The following NOP2 variants were observed in gnomAD, a reference collection of about 807,000 sequenced individuals.
NOP2 encodes the protein 28S rRNA (cytosine(4447)-C(5))-methyltransferase.
NOP2 carries 7 observed loss-of-function variants against 72.7 expected under a neutral mutation model. The ratio of observed to expected loss-of-function variants is 0.10; its 90% CI spans 0.05 to 0.18. The LOEUF (loss-of-function observed/expected upper bound fraction) is 0.18. Ranked by LOEUF, NOP2 falls within the 10% of genes least tolerant of loss-of-function variation. The probability of loss-of-function intolerance (pLI) is 1.00; values close to 1 mark genes in which losing one functional copy is unlikely to be tolerated. For synonymous variants in NOP2, 387 were observed against 388.0 expected, an observed-to-expected ratio of 1.00 and a Z score of 0.03; for missense variants, 954 against 1,014.7, an observed-to-expected ratio of 0.94 and a Z score of 0.81.
intron 1 of NOP2, 74 bp downstream of exon 1, chr12:6,568,133 G>A (rs1241535883): frequency 6.9e-6 from 4 of 581,632 alleles, no homozygotes; most frequent in Non-Finnish European, 9.2e-6. Flanking sequence ...AACCCAGGTA[G>A]CGCACCCTTC....
At position 6,560,797 on chromosome 12, in the gene NOP2, A is replaced by C. The variant is rs781313775; in HGVS notation, c.1348-10T>G. The C allele has an allele frequency of 2.5e-6, 4 of 1,612,062 alleles. No homozygotes were observed. Among genetic ancestry groups the C allele is most frequent in the South Asian group, 1.1e-5 (1 of 90,644 alleles). On this transcript the variant is annotated splice_polypyrimidine_tract_variant and intron_variant, in intron 12 of 15. Coordinates refer to ENST00000322166, the MANE Select transcript of NOP2 (RefSeq NM_001258308.2). The surrounding 1 kb of genome is among the most constrained non-coding windows in gnomAD (Gnocchi z 5.0). ...CAAAGCCCCCCACCACCTGGAGAAA[A>C]GATACAGATGAATCATATGTCTCTT...
chr12:6,562,597 T>C (rs1288043827), intron 9 of NOP2, among the ~76,000 whole-genome samples: 3 of 152,204 alleles, frequency 2.0e-5, no homozygotes, highest in Non-Finnish European at 2.9e-5. Flanking sequence ...CCCTCCACTA[T>C]ACTAAAAATT....
intron 5 of NOP2, among the ~76,000 whole-genome samples, chr12:6,565,265 CG>C (rs1477181509): frequency 6.6e-6 from 1 of 152,010 alleles, no homozygotes; most frequent in Non-Finnish European, 1.5e-5. Context: ...GTCATCTTCC[CG>C]CTTCAGCATC....
rs1237818298 is a variant in NOP2, at chr12:6,566,040, T to C, written c.474+61A>G. 7 of 1,390,410 alleles carry C rather than the reference T, an allele frequency of 5.0e-6. No homozygotes were observed. In the African/African-American group the frequency reaches 8.6e-5, roughly 17 times the overall value. The allele number at this position is 1,390,410 out of a possible 1,614,324, so 86.1% of individuals were successfully genotyped here. On this transcript the variant is annotated intron_variant, in intron 5 of 15. Coordinates refer to ENST00000322166, the MANE Select transcript of NOP2 (RefSeq NM_001258308.2). ...TGCCACTAAGAAACAGTCTCAAGAA[T>C]CTGGGAAAGAAACTAAATAGCAAGG...
chr12:6,561,633 G>C, intron 11 of NOP2, 31 bp downstream of exon 11: 1 of 1,607,318 alleles, frequency 6.2e-7, no homozygotes, highest in Non-Finnish European at 8.5e-7. Flanking sequence ...AAGACAGCCC[G>C]ATGAATCCCA....
rs774784649 is a variant in NOP2 at position 6,561,866 on chromosome 12, T to TG, written c.1066+17dup. The TG allele has an allele frequency of 6.2e-7, 1 of 1,610,070 alleles. No individual in the cohort carries two copies. Among genetic ancestry groups the TG allele is most frequent in the East Asian group, 2.2e-5 (1 of 44,798 alleles). ...ACAGGGACAGAGGTAGAAGGGCTCT[T>TG]GGGTGGGGGAGACTTACCAATGGGC... On this transcript the variant is annotated intron_variant, in intron 10 of 15. Transcript: ENST00000322166.
Position 6,560,598 on chromosome 12 carries a change from C to G in NOP2, c.1438-29G>C, listed in dbSNP as rs1319580656. ...TCCCAAAAAGAGACCCAAAGGCAGC[C>G]TCAGGAGGAGAGGGGAGCCCAGAGG... On this transcript the variant is annotated intron_variant, in intron 13 of 15. Transcript: ENST00000322166. This position sits in a 1 kb window ranked among gnomAD's most constrained non-coding sequence, Gnocchi z 5.0. 6.2e-7 allele frequency: 1 copy of G among 1,601,374 alleles called. No homozygotes were observed. The highest frequency in any genetic ancestry group is 1.3e-5 in the African/African-American group (1 of 74,430).
rs777316737 is a variant in NOP2, at chr12:6,566,217, A to C, written c.358T>G (p.Ser120Ala). ...GSDEEEEEED[S>A]EEDGMVNHGD... ...TGGTTCACCATACCATCTTCTTCAG[A>C]GTCTTCCTCCTCCTCTTCCTCATCA... Residue 120 changes from serine (S) to alanine (A), a missense_variant, in exon 5 of 16, where the codon TCT becomes GCT. Ser to Ala is a moderately conservative substitution (Grantham distance 99). Coordinates refer to ENST00000322166, the MANE Select transcript of NOP2 (RefSeq NM_001258308.2). 1 of 1,613,954 alleles carries C rather than the reference A, an allele frequency of 6.2e-7. No homozygotes were observed. The highest frequency in any genetic ancestry group is 1.1e-5 in the South Asian group (1 of 91,084).
rs764415934 is a variant in NOP2 at position 6,561,675 on chromosome 12, G to A, written c.1196C>T (p.Thr399Ile). The change falls in exon 11 of 16, where the codon ACC (threonine) becomes ATC (isoleucine). Residue 399 changes from threonine to isoleucine, a missense_variant. By Grantham distance (89) the Thr-to-Ile change is moderately conservative. Transcript: ENST00000322166. ...TGCCCCTCTCATACCCATGTAGCTG[G>A]TCTTTCCTCCAGGGGCACAACACAT... ...LDMCCAPGGK[T>I]SYMAQLMKNT... 1 of 1,613,818 alleles carries A rather than the reference G, an allele frequency of 6.2e-7. No individual in the cohort carries two copies. The highest frequency in any genetic ancestry group is 8.5e-7 in the Non-Finnish European group (1 of 1,179,824).
chr12:6,563,395 G>A lies in NOP2; in HGVS notation c.808C>T (p.Leu270Phe). 1 of 1,606,030 alleles carries A rather than the reference G, an allele frequency of 6.2e-7. No homozygotes were observed. The highest frequency in any genetic ancestry group is 8.5e-7 in the Non-Finnish European group (1 of 1,176,224). Residue 270 changes from leucine to phenylalanine, a missense_variant, in exon 8 of 16, where the codon CTC becomes TTC. Around this residue, in one of 3 missense-constraint regions of NOP2, gnomAD observed 498 missense variants for 478.3 expected, o/e 1.04. Coordinates refer to ENST00000322166, the MANE Select transcript of NOP2 (RefSeq NM_001258308.2). ...TAGTAAATGGCCAGATCCTTCTTGA[G>A]CCGGTTCAGGTATTCAGAACGAGAC... ...GRSRSEYLNR[L>F]KKDLAIYYSY...
chr12:6,562,004 T>C (rs1947664955), intron 9 of NOP2, 33 bp from the exon 10 acceptor site: 2 of 1,488,130 alleles, frequency 1.3e-6, no homozygotes, highest in Non-Finnish European at 1.8e-6. Flanking sequence ...TTTTTTTTTT[T>C]TTGAGATGGA....
rs966128288 is a variant in NOP2, at chr12:6,560,114, G to A, written c.1773C>T (p.Ile591=). The A allele has an allele frequency of 2.1e-5, 34 of 1,613,170 alleles. 1 individual carries two copies. The highest frequency in any genetic ancestry group is 1.3e-4 in the East Asian group (6 of 44,900). The change falls in exon 15 of 16, where the codon ATC becomes ATT. Residue 591 remains isoleucine, a synonymous_variant. Coordinates refer to ENST00000322166, the MANE Select transcript of NOP2 (RefSeq NM_001258308.2). The surrounding 1 kb of genome is among the most constrained non-coding windows in gnomAD (Gnocchi z 5.0). ...IAKFKKFSNS[I]PQSQTGNSET... Reference sequence around the variant, plus strand: ...ATTACTTACCTGTCTGGGACTGAGGGATAGAATTGGAAAATTTCTTGAACT... The same window carrying A: ...ATTACTTACCTGTCTGGGACTGAGGAATAGAATTGGAAAATTTCTTGAACT...
intron 2 of NOP2, 61 bp downstream of exon 2, chr12:6,567,755 G>A: frequency 8.0e-7 from 1 of 1,248,558 alleles, no homozygotes; most frequent in Admixed American, 2.1e-5. Context: ...AAAAAGAGAA[G>A]AGGTTATAAT....
At chr12:6,561,610 T>C (rs1236828666) in intron 11 of NOP2, 54 bp downstream of exon 11, 13 of 1,600,254 alleles carry the variant, frequency 8.1e-6, no homozygotes, top group Middle Eastern at 2.1e-4. Context: ...CAACCCCATC[T>C]ACTTTCAAAA....
chr12:6,563,595 C>T lies in NOP2; in HGVS notation c.688+19G>A, dbSNP rs758580909. 3 of 1,608,698 alleles carry T rather than the reference C, an allele frequency of 1.9e-6. No individual in the cohort carries two copies. Among genetic ancestry groups the T allele is most frequent in the South Asian group, 2.2e-5 (2 of 90,386 alleles). Reference sequence around the variant, plus strand: ...CAACCACCTTCCTCCTAACTCTTCACTCTGCCCTGCAAGGATATCCTGCTC... The same window carrying T: ...CAACCACCTTCCTCCTAACTCTTCATTCTGCCCTGCAAGGATATCCTGCTC... On this transcript the variant is annotated intron_variant, in intron 7 of 15. Coordinates refer to ENST00000322166, the MANE Select transcript of NOP2 (RefSeq NM_001258308.2).
chr12:6,560,066 G>C lies in NOP2; in HGVS notation c.1789+32C>G. 6.7e-7 allele frequency: 1 copy of C among 1,501,306 alleles called. No homozygotes were observed. Among genetic ancestry groups the C allele is most frequent in the South Asian group, 1.1e-5 (1 of 88,674 alleles). The allele number at this position is 1,501,306 out of a possible 1,614,324, so 93.0% of individuals were successfully genotyped here. The stretch of plus-strand genomic sequence containing the variant: ...CTCCTGAAAGGTGGAAAGAGCAAAG[G>C]TGGTGACGAAGGGAAGAAAAAGATT... On this transcript the variant is annotated intron_variant, in intron 15 of 15. Coordinates refer to ENST00000322166, the MANE Select transcript of NOP2 (RefSeq NM_001258308.2). This position sits in a 1 kb window ranked among gnomAD's most constrained non-coding sequence, Gnocchi z 5.0.
At chr12:6,563,574 C>T (rs1488100076) in intron 7 of NOP2, 40 bp downstream of exon 7, 1 of 1,608,332 alleles carries the variant, frequency 6.2e-7, no homozygotes, top group Non-Finnish European at 8.5e-7. Context: ...CTCTCCCAAC[C>T]ACCTTCCTCC....
chr12:6,558,133 ACCGT>A (rs1947549270), intron 15 of NOP2: 1 of 245,856 alleles, frequency 4.1e-6, no homozygotes, highest in Non-Finnish European at 7.3e-6. Context: ...AAAGCAAGAC[ACCGT>A]CTCAAAAAAA....
At position 6,563,675 on chromosome 12, in the gene NOP2, G is replaced by A; in HGVS notation, c.627C>T (p.Gly209=). The part of the protein sequence containing the change: ...GPPKVEEADG[G]LQINVDEEPF... ...GTTCCTCATCCACATTGATCTGCAG[G>A]CCCCCATCTGCCTCTTCCACCTTTG... is the stretch of plus-strand genomic sequence containing the variant. The change falls in exon 7 of 16, where the codon GGC becomes GGT. Residue 209 remains glycine (G), a synonymous_variant. Transcript: ENST00000322166. 1 of 1,613,658 alleles carries A rather than the reference G, an allele frequency of 6.2e-7. No homozygotes were observed. The highest frequency in any genetic ancestry group is 8.5e-7 in the Non-Finnish European group (1 of 1,179,758).
Sources: allele counts gnomAD v4.1 joint callset (sites outside exome capture counted in the v4.1 genomes callset), GRCh38; gene constraint gnomAD v4.1.1; regional missense constraint gnomAD v4.1.1; non-coding constraint Gnocchi (gnomAD v3.1); transcripts MANE v1.5; gene names NCBI Gene and HGNC (gene_info 2026-07-23, HGNC 2026-07-21).